UNC79: variants seen among roughly 807,000 people sequenced by gnomAD.
UNC79 encodes the protein protein unc-79 homolog.
UNC79 carries 37 observed loss-of-function variants against 283.1 expected under a neutral mutation model. The observed-to-expected ratio is 0.13, with a 90% confidence interval of 0.10 to 0.17. The LOEUF is 0.17. Ranked by LOEUF, UNC79 falls within the 10% of genes least tolerant of loss-of-function variation. The probability of loss-of-function intolerance (pLI) is 1.00; values close to 1 mark genes in which losing one functional copy is unlikely to be tolerated. For missense variants in UNC79, 2,272 were observed against 3,211.1 expected (o/e 0.71, Z 7.07); for synonymous variants, 1,107 against 1,200.2 (o/e 0.92, Z 1.61).
chr14:93,478,855 T>C (rs2057952840), intron 4 of UNC79, among the ~76,000 whole-genome samples: 2 of 152,206 alleles, frequency 1.3e-5, no homozygotes. Flanking sequence ...TTGGTAACCA[T>C]ATATATCTTT....
exon 29 of UNC79, chr14:93,618,265 C>T (rs1019331151): frequency 3.7e-6 from 6 of 1,613,888 alleles, no homozygotes; most frequent in Non-Finnish European, 3.4e-6. Context: ...ACACTCAATG[C>T]GCAGTATCAT....
intron 1 of UNC79, among the ~76,000 whole-genome samples, chr14:93,373,329 T>G (rs751792075): frequency 2.6e-5 from 4 of 151,618 alleles, no homozygotes; most frequent in African/African-American, 9.7e-5. Flanking sequence ...AACAGGAAAT[T>G]AATAAAGTCA....
chr14:93,537,114 C>A (rs1415187719), intron 11 of UNC79, among the ~76,000 whole-genome samples: 2 of 152,136 alleles, frequency 1.3e-5, no homozygotes, highest in African/African-American at 4.8e-5. Context: ...TGGGGGTGTT[C>A]ACATCTTCAC....
At position 93,621,694 on chromosome 14, in the gene UNC79, A is replaced by C. The variant is rs769208039; in HGVS notation, c.4461A>C (p.Glu1487Asp). The change falls in exon 30 of 49, where the codon GAA becomes GAC. Residue 1487 changes from glutamate (E) to aspartate (D), a missense_variant. By Grantham distance (45) the Glu-to-Asp change is conservative (BLOSUM62 2). This residue lies in a region of UNC79 where 580 missense variants were observed against 632.2 expected (regional missense o/e 0.92). Coordinates refer to ENST00000555664, the Ensembl canonical transcript of UNC79. This position sits in a 1 kb window ranked among gnomAD's most constrained non-coding sequence, Gnocchi z 4.8. ...GCCTTCTCCACTGTGTGAGAGAAGA[A>C]AGCATTCCGAAAAAAAAGCTACGCT... 1 of 1,613,588 alleles carries C rather than the reference A, an allele frequency of 6.2e-7. No individual in the cohort carries two copies. The highest frequency in any genetic ancestry group is 2.2e-5 in the East Asian group (1 of 44,874).
upstream of UNC79, chr14:93,430,241 C>G (rs988784973): frequency 1.3e-5 from 2 of 153,036 alleles, no homozygotes; most frequent in Admixed American, 6.5e-5. The surrounding 1 kb of genome is among the most constrained non-coding windows in gnomAD (Gnocchi z 4.6). Context: ...TCCTTCAGCC[C>G]CAACTTCTAA....
At chr14:93,520,823 T>A (rs1215238070) in intron 7 of UNC79, among the ~76,000 whole-genome samples, 2 of 152,056 alleles carry the variant, frequency 1.3e-5, no homozygotes, top group East Asian at 3.8e-4. Context: ...CCTTTGCCAA[T>A]GTTTATGATA....
At chr14:93,436,148 A>G (rs2056078900) in intron 1 of UNC79, among the ~76,000 whole-genome samples, 2 of 152,192 alleles carry the variant, frequency 1.3e-5, no homozygotes, top group African/African-American at 2.4e-5. Context: ...AATGCCTTTT[A>G]TAAGGAAGGA....
At chr14:93,681,102 C>G (rs1307196724) in intron 41 of UNC79, among the ~76,000 whole-genome samples, 1 of 152,188 alleles carries the variant, frequency 6.6e-6, no homozygotes, top group Non-Finnish European at 1.5e-5. Context: ...CCAGTTGTCC[C>G]CTTCTATGCC....
In UNC79 at chr14:93,688,541, A is replaced by T; in HGVS notation, c.6910-124A>T. 9.4e-7 allele frequency: 1 copy of T among 1,065,140 alleles called. No homozygotes were observed. The highest frequency in any genetic ancestry group is 1.3e-6 in the Non-Finnish European group (1 of 745,032). 66.0% of individuals were successfully genotyped at this position (1,065,140 alleles called of 1,614,324 possible). A position where few individuals can be genotyped will look rare whatever the true frequency, so the allele number is the denominator to read the frequency against. ...CAATGGGAAGGCTCTGAAGAAGTTT[A>T]AGCAGGTTGTTTGCTCAGAGTGGCG... On this transcript the variant is annotated intron_variant, in intron 43 of 48. Coordinates refer to ENST00000555664, the Ensembl canonical transcript of UNC79. This position sits in a 1 kb window ranked among gnomAD's most constrained non-coding sequence, Gnocchi z 4.0.
In UNC79 at chr14:93,546,684, TG is replaced by T. The variant is rs1313230094; in HGVS notation, c.1755+3989del. ...AGAACATTGATTGAAAAACTAGCAATGTTCTAAACAAAAAACGATACAAATT... is the reference window on the plus strand; with the variant it reads ...AGAACATTGATTGAAAAACTAGCAATTTCTAAACAAAAAACGATACAAATT... On this transcript the variant is annotated intron_variant, in intron 14 of 48. Coordinates refer to ENST00000555664, the Ensembl canonical transcript of UNC79. Among the ~76,000 whole-genome samples the T allele has an allele frequency of 2.0e-5, 3 of 152,300 alleles. No individual in the cohort carries two copies. In the East Asian group the frequency reaches 5.8e-4, roughly 29 times the overall value.
intron 32 of UNC79, among the ~76,000 whole-genome samples, chr14:93,639,275 T>C (rs1055348389): frequency 6.6e-6 from 1 of 152,216 alleles, no homozygotes; most frequent in East Asian, 1.9e-4. Flanking sequence ...TTTCCACTTT[T>C]AGCACAAGCA....
chr14:93,490,673 G>A (rs535724662), intron 5 of UNC79, among the ~76,000 whole-genome samples: 2 of 152,214 alleles, frequency 1.3e-5, no homozygotes, highest in African/African-American at 2.4e-5. Context: ...TTTGCTGTCC[G>A]TATTTATACT....
At chr14:93,547,671 A>G (rs11847714) in intron 14 of UNC79, among the ~76,000 whole-genome samples, 18,822 of 152,190 alleles carry the variant, frequency 0.12, 1,218 homozygotes, top group Non-Finnish European at 0.13. Context: ...GGTTCTCTTA[A>G]ATAGTCTAGG....
intron 14 of UNC79, among the ~76,000 whole-genome samples, chr14:93,565,603 T>TTGTTTTC (rs891295019): frequency 3.3e-5 from 5 of 152,304 alleles, no homozygotes; most frequent in Non-Finnish European, 5.9e-5. Flanking sequence ...TACAGCTAGG[T>TTGTTTTC]TACATCCACA....
Position 93,430,772 on chromosome 14 carries a change from G to A in UNC79, c.-258G>A, listed in dbSNP as rs1215439701. ...ACATCAACGCGGGCAGCTCCAGGAGGGGACGGACAGGAAGCCTTTGGCCGC... is the reference window on the plus strand; with the variant it reads ...ACATCAACGCGGGCAGCTCCAGGAGAGGACGGACAGGAAGCCTTTGGCCGC... On this transcript the variant is annotated 5_prime_UTR_variant, in exon 1 of 49. Coordinates refer to ENST00000555664, the Ensembl canonical transcript of UNC79. The surrounding 1 kb of genome is among the most constrained non-coding windows in gnomAD (Gnocchi z 4.6). 9.1e-6 allele frequency: 4 copies of A among 440,766 alleles called. No individual in the cohort carries two copies. The highest frequency in any genetic ancestry group is 1.7e-5 in the Non-Finnish European group (4 of 238,754). 27.3% of individuals were successfully genotyped at this position (440,766 alleles called of 1,614,324 possible). A position where few individuals can be genotyped will look rare whatever the true frequency, so the allele number is the denominator to read the frequency against.
intron 1 of UNC79, among the ~76,000 whole-genome samples, chr14:93,338,676 G>A (rs1177427133): frequency 6.6e-6 from 1 of 152,174 alleles, no homozygotes; most frequent in East Asian, 1.9e-4. Context: ...GAAGGCCCAG[G>A]TGGGTGGATC....
chr14:93,532,792 C>T (rs540520103), intron 11 of UNC79, among the ~76,000 whole-genome samples: 11 of 152,240 alleles, frequency 7.2e-5, no homozygotes, highest in African/African-American at 2.4e-4. Flanking sequence ...ATCTTATGCA[C>T]AATGCTTTTG....
intron 7 of UNC79, among the ~76,000 whole-genome samples, chr14:93,504,596 A>C (rs1411354185): frequency 6.6e-6 from 1 of 151,712 alleles, no homozygotes; most frequent in Non-Finnish European, 1.5e-5. Context: ...CTAGATATTT[A>C]TTTTTAGAAT....
At chr14:93,478,428 T>C (rs2057928127) in intron 4 of UNC79, among the ~76,000 whole-genome samples, 1 of 152,194 alleles carries the variant, frequency 6.6e-6, no homozygotes, top group Non-Finnish European at 1.5e-5. Context: ...ATCAAAATCA[T>C]TTTCAAGTAT....
Sources: gnomAD v4.1 joint callset for allele counts (sites outside exome capture counted in the v4.1 genomes callset) on GRCh38, gnomAD v4.1.1 for gene constraint, gnomAD v4.1.1 regional missense constraint, Gnocchi (gnomAD v3.1) non-coding constraint, MANE v1.5 for transcripts, NCBI Gene and HGNC (gene_info 2026-07-23, HGNC 2026-07-21) for gene names.